CCDC167: variants seen among roughly 807,000 people sequenced by gnomAD.
CCDC167 encodes coiled-coil domain containing 167, also known as coiled-coil domain-containing protein 167.
A neutral mutation model predicts 12.7 loss-of-function variants in CCDC167; 15 were observed. The observed-to-expected ratio is 1.18, with a 90% CI of 0.79 to 1.81. The LOEUF is 1.81. Among genes scored for constraint, CCDC167 ranks in the 40% most tolerant of loss-of-function variants. The pLI is 0.00. For synonymous variants in CCDC167, 52 were observed against 49.0 expected, an observed-to-expected ratio of 1.06 and a Z score of -0.26; for missense variants, 121 against 120.1, an observed-to-expected ratio of 1.01 and a Z score of -0.03.
At chr6:37,499,381 C>T (rs1048332963) in intron 1 of CCDC167, among the ~76,000 whole-genome samples, 4 of 152,168 alleles carry the variant, frequency 2.6e-5, no homozygotes, top group African/African-American at 7.2e-5. Flanking sequence ...GATATTTAAA[C>T]CATTAATAAT....
At chr6:37,484,646 G>A (rs555122115) in intron 3 of CCDC167, among the ~76,000 whole-genome samples, 164 bp downstream of exon 3, 1 of 152,208 alleles carries the variant, frequency 6.6e-6, no homozygotes, top group Non-Finnish European at 1.5e-5. Context: ...CTGCTCTCCC[G>A]CAGGCTGCTG....
At chr6:37,498,089 T>G (rs1762119942) in intron 1 of CCDC167, among the ~76,000 whole-genome samples, 1 of 152,158 alleles carries the variant, frequency 6.6e-6, no homozygotes, top group African/African-American at 2.4e-5. Flanking sequence ...GTACTGATTT[T>G]GGGGTTACAA....
chr6:37,486,276 A>T (rs1220508943), intron 1 of CCDC167, among the ~76,000 whole-genome samples: 1 of 152,234 alleles, frequency 6.6e-6, no homozygotes, highest in Non-Finnish European at 1.5e-5. Context: ...CTTTCTGAGA[A>T]GTCAGGGTGG....
Position 37,485,303 on chromosome 6 carries a change from T to A in CCDC167, c.43-109A>T. Reference sequence around the variant, plus strand: ...TCTTCTTGGACAGGTGTTCCCCCCATTCGTTTTGGCAGGGCAGGGCACCCA... The same window carrying A: ...TCTTCTTGGACAGGTGTTCCCCCCAATCGTTTTGGCAGGGCAGGGCACCCA... On this transcript the variant is annotated intron_variant, in intron 1 of 3. Coordinates refer to ENST00000373408, the MANE Select transcript of CCDC167 (RefSeq NM_138493.3). The A allele has an allele frequency of 3.6e-6, 3 of 833,808 alleles. No individual in the cohort carries two copies. In the South Asian group the frequency reaches 4.6e-5, roughly 13 times the overall value. The allele number at this position is 833,808 out of a possible 1,614,324, so 51.7% of individuals were successfully genotyped here.
At chr6:37,499,218 A>G (rs571903469) in intron 1 of CCDC167, among the ~76,000 whole-genome samples, 16 of 152,368 alleles carry the variant, frequency 1.1e-4, no homozygotes, top group African/African-American at 3.6e-4. Flanking sequence ...GCGGTTGCTC[A>G]GTATGTATGT....
At chr6:37,486,485 G>A (rs931515440) in intron 1 of CCDC167, among the ~76,000 whole-genome samples, 7 of 152,076 alleles carry the variant, frequency 4.6e-5, no homozygotes, top group Non-Finnish European at 7.4e-5. Context: ...CTCTCTCCAC[G>A]GCCAACACCC....
intron 1 of CCDC167, among the ~76,000 whole-genome samples, chr6:37,487,149 G>A (rs1761953254): frequency 6.6e-6 from 1 of 152,150 alleles, no homozygotes; most frequent in African/African-American, 2.4e-5. Flanking sequence ...AACTCTAGGG[G>A]TCTCTAAATG....
intron 1 of CCDC167, among the ~76,000 whole-genome samples, chr6:37,486,379 A>G (rs1439357846): frequency 1.3e-5 from 2 of 152,188 alleles, no homozygotes; most frequent in Non-Finnish European, 2.9e-5. Flanking sequence ...GACTGCAGGT[A>G]AGATCCCTGC....
chr6:37,494,959 C>T (rs1262216225), intron 1 of CCDC167, among the ~76,000 whole-genome samples: 1 of 152,054 alleles, frequency 6.6e-6, no homozygotes, highest in Non-Finnish European at 1.5e-5. Context: ...ACCACCACTC[C>T]TGGCTAATTT....
In CCDC167 at chr6:37,493,543, G is replaced by A. The variant is rs186621895; in HGVS notation, c.42+6279C>T. On this transcript the variant is annotated intron_variant, in intron 1 of 3. Coordinates refer to ENST00000373408, the MANE Select transcript of CCDC167 (RefSeq NM_138493.3). The stretch of plus-strand genomic sequence containing the variant: ...GGCGCAGAGCCAGATGTAGGCTGCC[G>A]CGAGAAATCACCTGCCCAATGGCGA... Among the ~76,000 whole-genome samples the A allele has an allele frequency of 1.7e-3, 252 of 152,344 alleles. 1 individual carries two copies. Among genetic ancestry groups the A allele is most frequent in the African/African-American group, 5.9e-3 (244 of 41,578 alleles).
At chr6:37,492,147 G>C (rs1288959222) in intron 1 of CCDC167, among the ~76,000 whole-genome samples, 1 of 152,180 alleles carries the variant, frequency 6.6e-6, no homozygotes, top group Non-Finnish European at 1.5e-5. Flanking sequence ...CGTGTAACTG[G>C]GAAGGGGCAG....
At chr6:37,491,612 G>A (rs1762023515) in intron 1 of CCDC167, among the ~76,000 whole-genome samples, 1 of 152,192 alleles carries the variant, frequency 6.6e-6, no homozygotes, top group Non-Finnish European at 1.5e-5. Flanking sequence ...TGCCAGGGTA[G>A]CTGAGCCGAG....
chr6:37,483,356 C>T, intron 3 of CCDC167, 67 bp from the exon 4 acceptor site: 1 of 1,056,634 alleles, frequency 9.5e-7, no homozygotes, highest in Non-Finnish European at 1.5e-6. Context: ...CTCTGCCTCT[C>T]CAACGAGTGG....
chr6:37,485,348 G>A (rs1561797478), intron 1 of CCDC167, among the ~76,000 whole-genome samples, 154 bp from the exon 2 acceptor site: 1 of 152,224 alleles, frequency 6.6e-6, no homozygotes, highest in Non-Finnish European at 1.5e-5. Context: ...TCCCTGGAGT[G>A]TCTTTGTTTT....
chr6:37,484,949 G>C, intron 2 of CCDC167, 87 bp from the exon 3 acceptor site: 1 of 1,552,148 alleles, frequency 6.4e-7, no homozygotes, highest in South Asian at 1.1e-5. Context: ...GCAGGGCTTG[G>C]GTCTTGTTCG....
chr6:37,498,782 G>A (rs1165121751), intron 1 of CCDC167, among the ~76,000 whole-genome samples: 2 of 151,830 alleles, frequency 1.3e-5, no homozygotes, highest in Non-Finnish European at 2.9e-5. Context: ...CCGAGATCAC[G>A]CCACTGCACT....
At chr6:37,485,843 C>T (rs535789128) in intron 1 of CCDC167, among the ~76,000 whole-genome samples, 1 of 152,230 alleles carries the variant, frequency 6.6e-6, no homozygotes, top group South Asian at 2.1e-4. Context: ...TAAGCAAAAA[C>T]TTTACCTACC....
intron 1 of CCDC167, among the ~76,000 whole-genome samples, chr6:37,493,844 T>G (rs1762062253): frequency 6.6e-6 from 1 of 152,210 alleles, no homozygotes. Flanking sequence ...CTCAGGAAAG[T>G]GGGAGGTTCC....
In CCDC167 at chr6:37,484,795, A is replaced by T. The variant is rs1258365507; in HGVS notation, c.190+15T>A. 2 of 1,614,168 alleles carry T rather than the reference A, an allele frequency of 1.2e-6. No individual in the cohort carries two copies. Among genetic ancestry groups the T allele is most frequent in the South Asian group, 2.2e-5 (2 of 91,084 alleles). On this transcript the variant is annotated intron_variant, in intron 3 of 3. Coordinates refer to ENST00000373408, the MANE Select transcript of CCDC167 (RefSeq NM_138493.3). Reference sequence around the variant, plus strand: ...ACTGGAGGCTGGGGCTGGTAACTGAAAGGAACTTTCTTACCGTAGTTGGAG... The same window carrying T: ...ACTGGAGGCTGGGGCTGGTAACTGATAGGAACTTTCTTACCGTAGTTGGAG...
Sources: allele counts gnomAD v4.1 joint callset (sites outside exome capture counted in the v4.1 genomes callset), GRCh38; gene constraint gnomAD v4.1.1; transcripts MANE v1.5; gene names NCBI Gene and HGNC (gene_info 2026-07-23, HGNC 2026-07-21).